The following PRICKLE2 variants were observed in gnomAD, a reference collection of about 807,000 sequenced individuals.
The protein encoded by PRICKLE2 is prickle-like protein 2.
Under a neutral mutation model 81.4 loss-of-function variants are expected in PRICKLE2, and 21 were observed. The observed-to-expected ratio is 0.26, with a 90% CI of 0.18 to 0.37. The LOEUF is 0.37. Among genes scored for constraint, PRICKLE2 ranks in the 10% least tolerant of loss-of-function variants. PRICKLE2 has a pLI of 1.00. For synonymous variants in PRICKLE2, 456 were observed against 421.5 expected (o/e 1.08, Z -1.00); for missense variants, 940 against 1,109.0 (o/e 0.85, Z 2.16).
At chr3:64,138,831 C>T (rs1179105205) in intron 7 of PRICKLE2, among the ~76,000 whole-genome samples, 1 of 152,170 alleles carries the variant, frequency 6.6e-6, no homozygotes, top group Non-Finnish European at 1.5e-5. Context: ...CTGGGCCACA[C>T]AATACATAAG....
At chr3:64,214,510 G>C (rs2078841452) in intron 1 of PRICKLE2, among the ~76,000 whole-genome samples, 1 of 152,188 alleles carries the variant, frequency 6.6e-6, no homozygotes. Context: ...GCAAAAGTGA[G>C]ATGCTGATTT....
intron 5 of PRICKLE2, among the ~76,000 whole-genome samples, chr3:64,156,291 T>C (rs1026811952): frequency 2.0e-5 from 3 of 152,080 alleles, no homozygotes; most frequent in African/African-American, 7.2e-5. Context: ...CCCTCGTAGG[T>C]AGTTTGTAAG....
At chr3:64,159,880 A>G in intron 4 of PRICKLE2, 60 bp downstream of exon 4, 2 of 1,607,618 alleles carry the variant, frequency 1.2e-6, no homozygotes, top group South Asian at 2.2e-5. Context: ...TTGTTGGATG[A>G]ATGAATGGGT....
chr3:64,205,406 C>T (rs1039611176), intron 1 of PRICKLE2, among the ~76,000 whole-genome samples: 6 of 152,170 alleles, frequency 3.9e-5, no homozygotes, highest in African/African-American at 1.4e-4. Flanking sequence ...TCATCTGCAC[C>T]AGTGGCCGTT....
Position 64,099,880 on chromosome 3 carries a change from C to T in PRICKLE2, c.1706G>A (p.Arg569Gln), listed in dbSNP as rs2076627525. Residue 569 changes from arginine (R) to glutamine (Q), a missense_variant, in exon 8 of 8, where the codon CGA (arginine) becomes CAA (glutamine). Physicochemically the swap from Arg to Gln is conservative, Grantham distance 43 (BLOSUM62 1). Around this residue, in one of 2 missense-constraint regions of PRICKLE2, gnomAD observed 670 missense variants for 717.2 expected, o/e 0.93. Coordinates refer to ENST00000638394, the MANE Select transcript of PRICKLE2 (RefSeq NM_198859.4). This position sits in a 1 kb window ranked among gnomAD's most constrained non-coding sequence, Gnocchi z 4.3. ...GGAKRQEHLS[R>Q]FSMPDLSKDS... is the part of the protein sequence containing the mutation. The stretch of plus-strand genomic sequence containing the variant: ...TTTGCTGAGGTCAGGCATGGAAAAT[C>T]GGGATAGGTGCTCCTGGCGCTTGGC... The T allele has an allele frequency of 1.2e-6, 2 of 1,614,032 alleles. No homozygotes were observed. Among genetic ancestry groups the T allele is most frequent in the African/African-American group, 1.3e-5 (1 of 74,916 alleles).
chr3:64,099,002 CTT>C lies in PRICKLE2; in HGVS notation c.*47_*48del, dbSNP rs773295075. 8.7e-6 allele frequency: 14 copies of C among 1,610,304 alleles called. No homozygotes were observed. In the East Asian group the frequency reaches 2.5e-4, roughly 28 times the overall value. ...CATTTAAAACAGTGCAAGTTTCTGA[CTT>C]TACATTCTTAGCTCCCATCTTCTCC... is the stretch of plus-strand genomic sequence containing the variant. On this transcript the variant is annotated 3_prime_UTR_variant, in exon 8 of 8. Transcript: ENST00000638394. This position sits in a 1 kb window ranked among gnomAD's most constrained non-coding sequence, Gnocchi z 4.3.
At chr3:64,232,381 G>A (rs564579281) in intron 2 of PRICKLE2, among the ~76,000 whole-genome samples, 3 of 152,250 alleles carry the variant, frequency 2.0e-5, no homozygotes, top group Non-Finnish European at 2.9e-5. Flanking sequence ...AGAAATTAGA[G>A]GAATTTCAGG....
chr3:64,114,215 T>C (rs1393206001), intron 7 of PRICKLE2, among the ~76,000 whole-genome samples: 1 of 148,206 alleles, frequency 6.7e-6, no homozygotes, highest in African/African-American at 2.5e-5. Flanking sequence ...AAAAAAACCA[T>C]GCAAAGGTCA....
intron 2 of PRICKLE2, 128 bp downstream of exon 2, chr3:64,198,656 A>G: frequency 9.6e-7 from 1 of 1,041,360 alleles, no homozygotes; most frequent in South Asian, 1.3e-5. Context: ...GGCATCTTCA[A>G]CATATTTAGC....
rs2077473751 is a variant in PRICKLE2, at chr3:64,147,367, G to T, written c.1123C>A (p.Gln375Lys). The change falls in exon 7 of 8, where the codon CAG becomes AAG. Residue 375 changes from glutamine to lysine, a missense_variant. Gln to Lys is a moderately conservative substitution (Grantham distance 53, BLOSUM62 1). This residue lies in a region of PRICKLE2 where 670 missense variants were observed against 717.2 expected (regional missense o/e 0.93). Coordinates refer to ENST00000638394, the MANE Select transcript of PRICKLE2 (RefSeq NM_198859.4). The surrounding 1 kb of genome is among the most constrained non-coding windows in gnomAD (Gnocchi z 5.0). ...LSADVDPLSLQMDMLSLSSQT... is the reference protein window; with the variant it reads ...LSADVDPLSLKMDMLSLSSQT... Reference sequence around the variant, plus strand: ...CTGGACAGGCTGAGCATGTCCATCTGCAGTGACAGGGGGTCTACGTCGGCT... The same window carrying T: ...CTGGACAGGCTGAGCATGTCCATCTTCAGTGACAGGGGGTCTACGTCGGCT... 1 of 1,614,214 alleles carries T rather than the reference G, an allele frequency of 6.2e-7. No individual in the cohort carries two copies. The highest frequency in any genetic ancestry group is 2.2e-5 in the East Asian group (1 of 44,874).
At chr3:64,202,150 T>A (rs575417784) in intron 1 of PRICKLE2, among the ~76,000 whole-genome samples, 2 of 152,334 alleles carry the variant, frequency 1.3e-5, no homozygotes, top group East Asian at 3.9e-4. Context: ...GCGGTAAGTT[T>A]TAAAATCATG....
chr3:64,171,472 C>T (rs950616322), intron 2 of PRICKLE2, among the ~76,000 whole-genome samples: 3 of 152,224 alleles, frequency 2.0e-5, no homozygotes. Flanking sequence ...AACTCTTCAT[C>T]TGCTTTTTGT....
intron 2 of PRICKLE2, among the ~76,000 whole-genome samples, chr3:64,177,125 C>CT (rs10690677): frequency 0.36 from 25,360 of 70,572 alleles, 9,709 homozygotes; most frequent in East Asian, 0.52. Context: ...CCATTTTAAC[C>CT]TTTTTTTTTT....
intron 2 of PRICKLE2, among the ~76,000 whole-genome samples, chr3:64,254,634 G>A (rs977358297): frequency 5.9e-5 from 9 of 152,184 alleles, no homozygotes; most frequent in African/African-American, 1.9e-4. Context: ...CACCCACGCA[G>A]TCCTAGTCAT....
chr3:64,131,439 C>G (rs2106986455), intron 7 of PRICKLE2, among the ~76,000 whole-genome samples: 1 of 152,284 alleles, frequency 6.6e-6, no homozygotes, highest in East Asian at 1.9e-4. Context: ...AACAATCTGC[C>G]ATGGCTAATA....
intron 1 of PRICKLE2, among the ~76,000 whole-genome samples, chr3:64,215,518 T>G (rs1480900591): frequency 1.3e-5 from 2 of 152,266 alleles, no homozygotes; most frequent in Admixed American, 1.3e-4. Context: ...CTTTGAAATT[T>G]TGACTAATAC....
intron 1 of PRICKLE2, among the ~76,000 whole-genome samples, chr3:64,212,891 A>G (rs1161588599): frequency 1.3e-5 from 2 of 152,188 alleles, no homozygotes; most frequent in East Asian, 1.9e-4. Context: ...TAGGATGGAA[A>G]GAGATCAATG....
intron 7 of PRICKLE2, among the ~76,000 whole-genome samples, chr3:64,130,305 T>C (rs1011015787): frequency 6.6e-6 from 1 of 152,222 alleles, no homozygotes; most frequent in Non-Finnish European, 1.5e-5. Context: ...TGTTGTATTT[T>C]TTCTCATTTA....
At chr3:64,191,793 G>T (rs749304820) in intron 2 of PRICKLE2, among the ~76,000 whole-genome samples, 1 of 152,158 alleles carries the variant, frequency 6.6e-6, no homozygotes, top group Non-Finnish European at 1.5e-5. Context: ...GCCTGATTCC[G>T]GAAGCAAGGC....
Sources: allele counts gnomAD v4.1 joint callset (sites outside exome capture counted in the v4.1 genomes callset), GRCh38; gene constraint gnomAD v4.1.1; regional missense constraint gnomAD v4.1.1; non-coding constraint Gnocchi (gnomAD v3.1); transcripts MANE v1.5; gene names NCBI Gene and HGNC (gene_info 2026-07-23, HGNC 2026-07-21).